TMEM87B: variants seen among roughly 807,000 people sequenced by gnomAD.
TMEM87B encodes the protein transmembrane protein 87B.
TMEM87B carries 83 observed loss-of-function variants against 80.3 expected under a neutral mutation model. The ratio of observed to expected loss-of-function variants is 1.03; its 90% CI spans 0.87 to 1.24. TMEM87B has a LOEUF of 1.24. Among genes scored for constraint, TMEM87B ranks in the 50% most tolerant of loss-of-function variants. The pLI is 0.00. For missense variants in TMEM87B, 625 were observed against 674.4 expected (o/e 0.93, Z 0.81); for synonymous variants, 219 against 230.5 (o/e 0.95, Z 0.45).
At position 112,055,500 on chromosome 2, in the gene TMEM87B, C is replaced by A; in HGVS notation, c.-92C>A. 2.2e-6 allele frequency: 3 copies of A among 1,354,836 alleles called. No homozygotes were observed. The highest frequency in any genetic ancestry group is 2.9e-6 in the Non-Finnish European group (3 of 1,047,264). 83.9% of individuals were successfully genotyped at this position (1,354,836 alleles called of 1,614,324 possible). ...CCACACCCGAGTCCGAGCCCCGCGTCCCGGATTCGGACCCGCCTGCCTGGG... is the reference window on the plus strand; with the variant it reads ...CCACACCCGAGTCCGAGCCCCGCGTACCGGATTCGGACCCGCCTGCCTGGG... On this transcript the variant is annotated 5_prime_UTR_variant, in exon 1 of 19. Coordinates refer to ENST00000283206, the MANE Select transcript of TMEM87B (RefSeq NM_032824.3).
intron 18 of TMEM87B, 111 bp downstream of exon 18, chr2:112,113,040 GAC>G: frequency 1.0e-6 from 1 of 992,618 alleles, no homozygotes; most frequent in Non-Finnish European, 1.5e-6. Flanking sequence ...AAATTGAACA[GAC>G]AGAAAGATGC....
At chr2:112,077,404 A>G (rs1678859158) in intron 6 of TMEM87B, 122 bp downstream of exon 6, 2 of 456,396 alleles carry the variant, frequency 4.4e-6, no homozygotes, top group Admixed American at 3.9e-5. Flanking sequence ...TCTGTTAATC[A>G]TACATTTATT....
chr2:112,103,849 T>G (rs544745629), intron 15 of TMEM87B, among the ~76,000 whole-genome samples: 1 of 152,316 alleles, frequency 6.6e-6, no homozygotes, highest in East Asian at 1.9e-4. Context: ...AAGACATAAT[T>G]ATTTCAGATT....
rs1366536711 is a variant in TMEM87B at position 112,106,622 on chromosome 2, G to T, written c.1524+547G>T. Among the ~76,000 whole-genome samples, 4 of 151,764 alleles carry T rather than the reference G, an allele frequency of 2.6e-5. No homozygotes were observed. The East Asian group carries it at 5.8e-4, about 22-fold the overall frequency. On this transcript the variant is annotated intron_variant, in intron 16 of 18. Transcript: ENST00000283206. ...GAATAAAATTGTAAAACATTGGGCA[G>T]AGATGAGCTAAAAAATATTTTCTGC...
At chr2:112,100,494 G>T in intron 14 of TMEM87B, 128 bp from the exon 15 acceptor site, 1 of 571,738 alleles carries the variant, frequency 1.7e-6, no homozygotes, top group Non-Finnish European at 3.1e-6. Context: ...AAATAATTAC[G>T]TTTTCATTAT....
Position 112,098,494 on chromosome 2 carries a change from G to C in TMEM87B, c.1273-101G>C, listed in dbSNP as rs1679536776. ...GTTTATTTGGAAGACTTACTGGTTG[G>C]AAAGATTTCATTAGTACTTGTCATT... On this transcript the variant is annotated intron_variant, in intron 13 of 18. Transcript: ENST00000283206. 3.0e-5 allele frequency: 32 copies of C among 1,061,286 alleles called. 1 individual carries two copies. In the South Asian group the frequency reaches 4.4e-4, roughly 14 times the overall value. 65.7% of individuals were successfully genotyped at this position (1,061,286 alleles called of 1,614,324 possible).
At chr2:112,071,462 C>T (rs917858896) in intron 4 of TMEM87B, among the ~76,000 whole-genome samples, 4 of 152,100 alleles carry the variant, frequency 2.6e-5, no homozygotes, top group South Asian at 2.1e-4. Flanking sequence ...TGACCATGCC[C>T]GGCTAATTTT....
chr2:112,095,764 T>G (rs1045436860), intron 11 of TMEM87B, among the ~76,000 whole-genome samples: 6 of 152,190 alleles, frequency 3.9e-5, no homozygotes, highest in Admixed American at 3.9e-4. Flanking sequence ...TATTTAAAAT[T>G]TTTAAAACTT....
intron 9 of TMEM87B, among the ~76,000 whole-genome samples, chr2:112,088,592 A>G (rs1679212812): frequency 2.6e-5 from 4 of 152,074 alleles, no homozygotes. Context: ...TTTTCTTCTA[A>G]TTACTCTGAG....
intron 15 of TMEM87B, among the ~76,000 whole-genome samples, chr2:112,105,085 A>G (rs1003199347): frequency 2.6e-5 from 4 of 152,072 alleles, no homozygotes; most frequent in African/African-American, 9.7e-5. Flanking sequence ...ACTCAAGTGT[A>G]TATATTTGTC....
At chr2:112,113,404 A>T (rs1309924857) in intron 18 of TMEM87B, among the ~76,000 whole-genome samples, 2 of 152,248 alleles carry the variant, frequency 1.3e-5, no homozygotes, top group Admixed American at 6.5e-5. Context: ...TAAAGACTGG[A>T]TGCACGGAAC....
At chr2:112,089,522 T>G in intron 9 of TMEM87B, 103 bp from the exon 10 acceptor site, 1 of 1,012,766 alleles carries the variant, frequency 9.9e-7, no homozygotes, top group South Asian at 1.3e-5. Flanking sequence ...TGTGATTAGA[T>G]AGTGACTTCC....
chr2:112,094,376 C>T (rs185389531), intron 11 of TMEM87B, among the ~76,000 whole-genome samples: 18 of 151,988 alleles, frequency 1.2e-4, no homozygotes, highest in African/African-American at 3.4e-4. Flanking sequence ...TTGGCCAGGA[C>T]GGTCTTGATC....
chr2:112,098,061 C>T (rs1437042698), intron 13 of TMEM87B, among the ~76,000 whole-genome samples: 5 of 151,986 alleles, frequency 3.3e-5, no homozygotes, highest in African/African-American at 7.3e-5. Flanking sequence ...CTGCAACCTC[C>T]GCCTCCCGGG....
At chr2:112,100,957 T>A (rs541618917) in intron 15 of TMEM87B, among the ~76,000 whole-genome samples, 19 of 152,298 alleles carry the variant, frequency 1.2e-4, no homozygotes, top group African/African-American at 4.6e-4. Flanking sequence ...TGGTTTGATG[T>A]ATATTGTGCT....
chr2:112,095,165 C>G, intron 11 of TMEM87B: 3 of 540,446 alleles, frequency 5.6e-6, no homozygotes, highest in Non-Finnish European at 6.3e-6. Context: ...TTCTTTCTTT[C>G]TTTTTTTTTT....
intron 11 of TMEM87B, among the ~76,000 whole-genome samples, chr2:112,093,673 G>A (rs1478936751): frequency 1.3e-5 from 2 of 152,040 alleles, no homozygotes; most frequent in Non-Finnish European, 2.9e-5. Context: ...TCTTCCTCTG[G>A]TGTCATTTTC....
At position 112,076,929 on chromosome 2, in the gene TMEM87B, T is replaced by C. The variant is rs149120695; in HGVS notation, c.502-263T>C. Among the ~76,000 whole-genome samples the C allele has an allele frequency of 1.8e-3, 265 of 145,300 alleles. 2 individuals are homozygous for C. The highest frequency in any genetic ancestry group is 6.0e-3 in the African/African-American group (234 of 39,210). On this transcript the variant is annotated intron_variant, in intron 5 of 18. Coordinates refer to ENST00000283206, the MANE Select transcript of TMEM87B (RefSeq NM_032824.3). ...AAAAGAAACCCAATATGACTGGACATAGTGGCTCACATCTGTAATCCCAGC... is the reference window on the plus strand; with the variant it reads ...AAAAGAAACCCAATATGACTGGACACAGTGGCTCACATCTGTAATCCCAGC...
rs1271305161 is a variant in TMEM87B, at chr2:112,117,173, A to T, written c.*1030A>T. On this transcript the variant is annotated 3_prime_UTR_variant, in exon 19 of 19. Coordinates refer to ENST00000283206, the MANE Select transcript of TMEM87B (RefSeq NM_032824.3). The stretch of plus-strand genomic sequence containing the variant: ...ATCTTTTGCTTTAATGTCTTTTTTT[A>T]AAATGTAGAATGTTCTAAACTTGAA... The T allele has an allele frequency of 6.6e-6, 1 of 152,088 alleles. No individual in the cohort carries two copies. Among genetic ancestry groups the T allele is most frequent in the Non-Finnish European group, 1.5e-5 (1 of 68,008 alleles). The allele number at this position is 152,088 out of a possible 1,614,324, so 9.4% of individuals were successfully genotyped here. A position where few individuals can be genotyped will look rare whatever the true frequency, so the allele number is the denominator to read the frequency against.
Sources: allele counts gnomAD v4.1 joint callset (sites outside exome capture counted in the v4.1 genomes callset), GRCh38; gene constraint gnomAD v4.1.1; transcripts MANE v1.5; gene names NCBI Gene and HGNC (gene_info 2026-07-23, HGNC 2026-07-21).